Variants in ZBTB34 observed in about 807,000 individuals in gnomAD.
ZBTB34 encodes zinc finger and BTB domain-containing protein 34.
A neutral mutation model predicts 33.4 loss-of-function variants in ZBTB34; 1 was observed. The observed-to-expected ratio is 0.03, with a 90% CI of 0.01 to 0.14. The LOEUF is 0.14. Ranked by LOEUF, ZBTB34 falls within the 10% of genes least tolerant of loss-of-function variation. ZBTB34 has a pLI of 1.00. For synonymous variants in ZBTB34, 283 were observed against 253.5 expected, an observed-to-expected ratio of 1.12 and a Z score of -1.11; for missense variants, 406 against 657.2, an observed-to-expected ratio of 0.62 and a Z score of 4.18.
At chr9:126,871,099 G>A (rs959032770) in intron 1 of ZBTB34, among the ~76,000 whole-genome samples, 1 of 151,968 alleles carries the variant, frequency 6.6e-6, no homozygotes, top group African/African-American at 2.4e-5. Flanking sequence ...ATTATCAACT[G>A]AAATGAAAAA....
chr9:126,872,809 A>G (rs2033298069), intron 1 of ZBTB34, among the ~76,000 whole-genome samples: 1 of 152,134 alleles, frequency 6.6e-6, no homozygotes, highest in Admixed American at 6.5e-5. Flanking sequence ...GTCACTGTGG[A>G]AAGGAAGTGT....
At chr9:126,870,946 A>G (rs534854881) in intron 1 of ZBTB34, among the ~76,000 whole-genome samples, 30 of 152,070 alleles carry the variant, frequency 2.0e-4, no homozygotes, top group African/African-American at 7.2e-4. Context: ...AAAGCAGCAC[A>G]TCAAAACAAT....
At chr9:126,864,873 T>C (rs1239012425) in intron 1 of ZBTB34, among the ~76,000 whole-genome samples, 1 of 152,242 alleles carries the variant, frequency 6.6e-6, no homozygotes, top group Non-Finnish European at 1.5e-5. Flanking sequence ...GTGGTCTTTT[T>C]AATGACTTTG....
chr9:126,860,926 G>A (rs1327237138), intron 1 of ZBTB34, among the ~76,000 whole-genome samples, 187 bp downstream of exon 1: 1 of 150,622 alleles, frequency 6.6e-6, no homozygotes, highest in Non-Finnish European at 1.5e-5. Flanking sequence ...GAGGCCGGGC[G>A]GGGTCCGGAG....
At chr9:126,865,681 A>G (rs10987507) in intron 1 of ZBTB34, among the ~76,000 whole-genome samples, 52,588 of 152,014 alleles carry the variant, frequency 0.35, 10,480 homozygotes, top group African/African-American at 0.53. Flanking sequence ...GCAGAATTTT[A>G]CTTAAAGATA....
rs2033399958 is a variant in ZBTB34 at position 126,879,001 on chromosome 9, G to A, written c.-10-389G>A. The stretch of plus-strand genomic sequence containing the variant: ...AGCCTCCCAAAGTGCTGGGATTATA[G>A]GTGTAAGCCACTGCGCCTGGCCTGA... On this transcript the variant is annotated intron_variant, in intron 1 of 1. Coordinates refer to ENST00000319119, the Ensembl canonical transcript of ZBTB34. This position sits in a 1 kb window ranked among gnomAD's most constrained non-coding sequence, Gnocchi z 6.4. Among the ~76,000 whole-genome samples the A allele has an allele frequency of 6.6e-6, 1 of 152,150 alleles. No individual in the cohort carries two copies. The highest frequency in any genetic ancestry group is 1.5e-5 in the Non-Finnish European group (1 of 68,036).
chr9:126,876,657 G>A (rs992058693), intron 1 of ZBTB34, among the ~76,000 whole-genome samples: 1 of 152,110 alleles, frequency 6.6e-6, no homozygotes, highest in African/African-American at 2.4e-5. Context: ...TATCAGATTT[G>A]TGCCATATGA....
intron 1 of ZBTB34, among the ~76,000 whole-genome samples, chr9:126,877,236 A>C (rs986604760): frequency 3.9e-5 from 6 of 152,186 alleles, no homozygotes; most frequent in Non-Finnish European, 8.8e-5. Flanking sequence ...AAAAGGTGAG[A>C]AAATTTCACA....
chr9:126,880,315 T>C lies in ZBTB34; in HGVS notation c.916T>C (p.Leu306=). The change falls in exon 2 of 2, where the codon TTG becomes CTG. Residue 306 remains leucine, a synonymous_variant. Transcript: ENST00000319119. The surrounding 1 kb of genome is among the most constrained non-coding windows in gnomAD (Gnocchi z 6.7). ...CAATGTATCAGAAGCTTTTGGAAGT[T>C]TGAGTAATTCCAGCCCATCCAGGTC... 6.2e-7 allele frequency: 1 copy of C among 1,613,980 alleles called. No individual in the cohort carries two copies. Among genetic ancestry groups the C allele is most frequent in the Non-Finnish European group, 8.5e-7 (1 of 1,179,902 alleles).
At position 126,880,261 on chromosome 9, in the gene ZBTB34, T is replaced by C; in HGVS notation, c.862T>C (p.Ser288Pro). Residue 288 changes from serine (S) to proline (P), a missense_variant, in exon 2 of 2, where the codon TCC becomes CCC. By Grantham distance (74) the Ser-to-Pro change is moderately conservative. Transcript: ENST00000319119. The surrounding 1 kb of genome is among the most constrained non-coding windows in gnomAD (Gnocchi z 6.7). ...TGGTTCTGTGCTCCAGCACGCATAC[T>C]CCTATTCCCAAGCAGCCTCACAGCC... 1.2e-6 allele frequency: 2 copies of C among 1,613,780 alleles called. No individual in the cohort carries two copies. The highest frequency in any genetic ancestry group is 1.6e-4 in the Middle Eastern group (1 of 6,062).
Position 126,877,049 on chromosome 9 carries a change from T to TCCTACA in ZBTB34, c.-10-2341_-10-2340insCCTACA, listed in dbSNP as rs1177651064. Among the ~76,000 whole-genome samples, 11 of 152,356 alleles carry TCCTACA rather than the reference T, an allele frequency of 7.2e-5. No homozygotes were observed. In the East Asian group the frequency reaches 2.1e-3, roughly 29 times the overall value. ...GTATTAGTTATTTTCCTACTGTCTT[T>TCCTACA]GGGCATCATTTGTTTTTCCTTTTCT... On this transcript the variant is annotated intron_variant, in intron 1 of 1. Coordinates refer to ENST00000319119, the Ensembl canonical transcript of ZBTB34.
intron 1 of ZBTB34, among the ~76,000 whole-genome samples, chr9:126,873,033 A>G (rs962107560): frequency 1.3e-5 from 2 of 152,192 alleles, no homozygotes; most frequent in African/African-American, 4.8e-5. Context: ...TATTTCAGAA[A>G]TGCTCTGTTG....
chr9:126,871,458 G>A (rs1588387483), intron 1 of ZBTB34, among the ~76,000 whole-genome samples: 1 of 151,372 alleles, frequency 6.6e-6, no homozygotes, highest in East Asian at 1.9e-4. Context: ...CCCCTCCCAG[G>A]TTCAAGCAAT....
chr9:126,871,022 A>C (rs766308348), intron 1 of ZBTB34, among the ~76,000 whole-genome samples: 1 of 152,146 alleles, frequency 6.6e-6, no homozygotes, highest in Non-Finnish European at 1.5e-5. Context: ...ATTGCTGGCC[A>C]CTATGGGGAA....
chr9:126,882,351 C>A (rs776752612), exon 2 of ZBTB34: 2 of 167,090 alleles, frequency 1.2e-5, no homozygotes, highest in African/African-American at 2.4e-5. Flanking sequence ...CTCTTGAGTT[C>A]ATAGCTTGAA....
chr9:126,876,475 T>C (rs1262633290), intron 1 of ZBTB34, among the ~76,000 whole-genome samples: 1 of 151,876 alleles, frequency 6.6e-6, no homozygotes, highest in African/African-American at 2.4e-5. Flanking sequence ...ATTATATTCA[T>C]CTATTTATTT....
chr9:126,882,173 A>AAATT (rs1219023128), exon 2 of ZBTB34: 1 of 165,592 alleles, frequency 6.0e-6, no homozygotes, highest in Non-Finnish European at 1.5e-5. Context: ...TTTCCTGCTT[A>AAATT]AAGAACCAAC....
chr9:126,881,966 G>GT (rs1051766231), exon 2 of ZBTB34: 261 of 166,266 alleles, frequency 1.6e-3, no homozygotes, highest in Non-Finnish European at 1.4e-3. Context: ...TTTTGTTTTT[G>GT]TTTTTTTTCT....
intron 1 of ZBTB34, among the ~76,000 whole-genome samples, chr9:126,875,503 C>CT (rs1564224016): frequency 1.3e-5 from 2 of 152,034 alleles, no homozygotes; most frequent in Non-Finnish European, 2.9e-5. Flanking sequence ...TTTATACAGG[C>CT]TTTTGTCCAT....
Sources: gnomAD v4.1 joint callset for allele counts (sites outside exome capture counted in the v4.1 genomes callset) on GRCh38, gnomAD v4.1.1 for gene constraint, Gnocchi (gnomAD v3.1) non-coding constraint, MANE v1.5 for transcripts, NCBI Gene and HGNC (gene_info 2026-07-23, HGNC 2026-07-21) for gene names.